AKR1D1: variants seen among roughly 807,000 people sequenced by gnomAD.
AKR1D1 encodes the protein delta(4)-3-ketosteroid 5-beta-reductase.
AKR1D1 carries 32 observed loss-of-function variants against 42.6 expected under a neutral mutation model. The observed-to-expected ratio is 0.75, with a 90% CI of 0.57 to 1.01. The LOEUF (loss-of-function observed/expected upper bound fraction) is 1.01, where lower values mean the gene tolerates loss of function less well. Among genes scored for constraint, AKR1D1 ranks in the 50% least tolerant of loss-of-function variants. The probability of loss-of-function intolerance (pLI) is 0.00; values close to 1 mark genes in which losing one functional copy is unlikely to be tolerated. For synonymous variants in AKR1D1, 123 were observed against 135.5 expected (o/e 0.91, Z 0.64); for missense variants, 364 against 402.2 (o/e 0.91, Z 0.81).
At position 138,112,256 on chromosome 7, in the gene AKR1D1, TA is replaced by T. The variant is rs1283287301; in HGVS notation, c.856-1433del. Among the ~76,000 whole-genome samples, 8 of 152,340 alleles carry T rather than the reference TA, an allele frequency of 5.3e-5. No homozygotes were observed. In the South Asian group the frequency reaches 1.2e-3, roughly 24 times the overall value. ...AAGAAGTCTGAGTAAGGATTCATTT[TA>T]TAGGCGATTCATTCATTTTTATATT... On this transcript the variant is annotated intron_variant, in intron 7 of 8. Coordinates refer to ENST00000242375, the MANE Select transcript of AKR1D1 (RefSeq NM_005989.4).
At chr7:138,116,340 C>T (rs564831350) in intron 8 of AKR1D1, among the ~76,000 whole-genome samples, 2 of 152,118 alleles carry the variant, frequency 1.3e-5, no homozygotes, top group African/African-American at 4.8e-5. Context: ...CATGACATGC[C>T]TAAGACATGA....
rs148877791 is a variant in AKR1D1 at position 138,085,133 on chromosome 7, G to A, written c.94-3468G>A. Reference sequence around the variant, plus strand: ...TCCCAACTAGTTCCTCCATACTGATGAGAATTAAGTACAAAATAGTAATAC... The same window carrying A: ...TCCCAACTAGTTCCTCCATACTGATAAGAATTAAGTACAAAATAGTAATAC... On this transcript the variant is annotated intron_variant, in intron 1 of 8. Transcript: ENST00000242375. Among the ~76,000 whole-genome samples, 623 of 150,420 alleles carry A rather than the reference G, an allele frequency of 4.1e-3. 5 individuals carry two copies. The highest frequency in any genetic ancestry group is 0.014 in the African/African-American group (588 of 41,026).
intron 2 of AKR1D1, chr7:138,091,333 T>A (rs1334931483): frequency 4.2e-6 from 1 of 236,156 alleles, no homozygotes; most frequent in African/African-American, 2.3e-5. Context: ...GAAGCTGCAC[T>A]CTCAGTGGAA....
In AKR1D1 at chr7:138,097,933, C is replaced by A; in HGVS notation, c.446C>A (p.Ala149Asp). The change falls in exon 4 of 9, where the codon GCC (alanine) becomes GAC (aspartate). Residue 149 changes from alanine (A) to aspartate (D), a missense_variant. Transcript: ENST00000242375. ...KWLYHKSNLC[A>D]TWEAMEACKD... ...TTATATCACAAGTCAAATCTGTGTGCCACTTGGGAGGTAAGTTCAAATGTG... is the reference window on the plus strand; with the variant it reads ...TTATATCACAAGTCAAATCTGTGTGACACTTGGGAGGTAAGTTCAAATGTG... 6.2e-7 allele frequency: 1 copy of A among 1,609,674 alleles called. No individual in the cohort carries two copies.
intron 1 of AKR1D1, among the ~76,000 whole-genome samples, chr7:138,084,086 G>A (rs761001648): frequency 2.0e-5 from 3 of 152,060 alleles, no homozygotes; most frequent in Admixed American, 1.3e-4. Flanking sequence ...AATTCTCCCA[G>A]GGACTGGAGG....
At chr7:138,112,937 T>A (rs997809038) in intron 7 of AKR1D1, among the ~76,000 whole-genome samples, 4 of 151,778 alleles carry the variant, frequency 2.6e-5, no homozygotes, top group African/African-American at 9.7e-5. Context: ...AATAAAAAGG[T>A]AGAAGAGACA....
chr7:138,110,166 T>C (rs1490966713), intron 7 of AKR1D1, among the ~76,000 whole-genome samples: 2 of 152,100 alleles, frequency 1.3e-5, no homozygotes, highest in Non-Finnish European at 2.9e-5. Flanking sequence ...TAATAAATTA[T>C]GCTCTCTTAG....
At chr7:138,099,292 GA>G (rs1340201704) in intron 4 of AKR1D1, among the ~76,000 whole-genome samples, 1 of 151,960 alleles carries the variant, frequency 6.6e-6, no homozygotes, top group African/African-American at 2.4e-5. Flanking sequence ...GTATCCCCAG[GA>G]AAAAATGATT....
At chr7:138,098,734 T>A (rs1378428157) in intron 4 of AKR1D1, among the ~76,000 whole-genome samples, 3 of 152,148 alleles carry the variant, frequency 2.0e-5, no homozygotes, top group African/African-American at 7.2e-5. Flanking sequence ...TAAACCCTTA[T>A]GGATTCGTGG....
chr7:138,088,632 A>G lies in AKR1D1; in HGVS notation c.125A>G (p.Lys42Arg). ...TPKGACATSV[K>R]VAIDTGYRHI... ...AAGGGAGCCTGTGCAACATCGGTGAAGGTTGCTATTGACACAGGGTACCGA... is the reference window on the plus strand; with the variant it reads ...AAGGGAGCCTGTGCAACATCGGTGAGGGTTGCTATTGACACAGGGTACCGA... The change falls in exon 2 of 9, where the codon AAG (lysine) becomes AGG (arginine). Residue 42 changes from lysine to arginine, a missense_variant. Transcript: ENST00000242375. The G allele has an allele frequency of 6.2e-7, 1 of 1,614,180 alleles. No individual in the cohort carries two copies.
chr7:138,088,497 C>A, intron 1 of AKR1D1, 104 bp from the exon 2 acceptor site: 2 of 1,335,088 alleles, frequency 1.5e-6, no homozygotes, highest in Non-Finnish European at 1.1e-6. Context: ...GGGAATGTGT[C>A]ATTTTAGCTG....
chr7:138,080,372 A>G lies in AKR1D1; in HGVS notation c.93+3761A>G, dbSNP rs7784075. Among the ~76,000 whole-genome samples, 42 of 152,258 alleles carry G rather than the reference A, an allele frequency of 2.8e-4. No homozygotes were observed. In the East Asian group the frequency reaches 4.8e-3, roughly 18 times the overall value. On this transcript the variant is annotated intron_variant, in intron 1 of 8. Transcript: ENST00000242375. ...GGCATGAGCCACTATGCCCAGCCCA[A>G]TGATCCATGCTGACTGCTTTGGTTT...
At chr7:138,092,171 C>G (rs1345834565) in intron 3 of AKR1D1, among the ~76,000 whole-genome samples, 2 of 152,204 alleles carry the variant, frequency 1.3e-5, no homozygotes, top group African/African-American at 4.8e-5. Context: ...CAGACTCAGG[C>G]TTGGTTTCCA....
rs545228082 is a variant in AKR1D1 at position 138,117,868 on chromosome 7, A to G, written c.*1206A>G. On this transcript the variant is annotated 3_prime_UTR_variant, in exon 9 of 9. Transcript: ENST00000242375. ...CCCCGTCTCTACTAAAAATACAAAA[A>G]ATTAGCCAGGCGCGGTGGCGGGGGC... 1 of 152,138 alleles carries G rather than the reference A, an allele frequency of 6.6e-6. No individual in the cohort carries two copies. Among genetic ancestry groups the G allele is most frequent in the African/African-American group, 2.4e-5 (1 of 41,406 alleles). The allele number at this position is 152,138 out of a possible 1,614,324, so 9.4% of individuals were successfully genotyped here. A position where few individuals can be genotyped will look rare whatever the true frequency, so the allele number is the denominator to read the frequency against.
chr7:138,106,974 G>C (rs1261637119), intron 6 of AKR1D1, among the ~76,000 whole-genome samples: 3 of 152,134 alleles, frequency 2.0e-5, no homozygotes, highest in Admixed American at 2.0e-4. Flanking sequence ...ATTTGACAAA[G>C]GAGTTTCTAT....
At chr7:138,097,435 A>G (rs1794205111) in intron 3 of AKR1D1, among the ~76,000 whole-genome samples, 1 of 152,260 alleles carries the variant, frequency 6.6e-6, no homozygotes, top group Admixed American at 6.5e-5. Flanking sequence ...ATGTCACAGA[A>G]AGCTCTGGAG....
At chr7:138,114,203 T>C (rs183974114) in intron 8 of AKR1D1, among the ~76,000 whole-genome samples, 6 of 152,344 alleles carry the variant, frequency 3.9e-5, no homozygotes, top group African/African-American at 7.2e-5. Context: ...GAGCACTAGA[T>C]TGAAACCAAG....
intron 4 of AKR1D1, among the ~76,000 whole-genome samples, chr7:138,104,934 T>A (rs1194880568): frequency 6.6e-6 from 1 of 152,014 alleles, no homozygotes; most frequent in Non-Finnish European, 1.5e-5. Context: ...TAATTCTTGA[T>A]TTTTATTAGA....
chr7:138,107,390 T>C (rs1585739455), intron 6 of AKR1D1, 25 bp from the exon 7 acceptor site: 1 of 1,611,884 alleles, frequency 6.2e-7, no homozygotes, highest in Non-Finnish European at 8.5e-7. Flanking sequence ...AAACTAATTA[T>C]GATGCATGTT....
Sources: allele counts gnomAD v4.1 joint callset (sites outside exome capture counted in the v4.1 genomes callset), GRCh38; gene constraint gnomAD v4.1.1; transcripts MANE v1.5; gene names NCBI Gene and HGNC (gene_info 2026-07-23, HGNC 2026-07-21).